SHOC1: variants seen among roughly 807,000 people sequenced by gnomAD.
SHOC1 encodes the protein shortage in chiasmata 1.
SHOC1 carries 136 observed loss-of-function variants against 179.2 expected under a neutral mutation model. That is an observed-to-expected ratio of 0.76 (90% CI 0.66 to 0.87). SHOC1 has a LOEUF of 0.87. Ranked by LOEUF, SHOC1 falls within the 40% of genes least tolerant of loss-of-function variation. The pLI, the probability that SHOC1 is intolerant of heterozygous loss-of-function variation, is 0.00. For synonymous variants in SHOC1, 489 were observed against 586.6 expected (o/e 0.83, Z 2.41); for missense variants, 1,538 against 1,700.8 (o/e 0.90, Z 1.68).
chr9:111,697,219 T>C (rs1831740091), intron 24 of SHOC1, among the ~76,000 whole-genome samples: 1 of 151,764 alleles, frequency 6.6e-6, no homozygotes, highest in Non-Finnish European at 1.5e-5. Flanking sequence ...TACTTTAAGT[T>C]CTAGAGTACA....
rs1836442599 is a variant in SHOC1, at chr9:111,791,474, A to G, written c.-36-20T>C. ...CAACATCTGGAAATACAAAAATTAA[A>G]ATTAAACACTGGTAAAATAGCAAGT... On this transcript the variant is annotated intron_variant, in intron 1 of 27. Transcript: ENST00000682961. 93 of 1,177,958 alleles carry G rather than the reference A, an allele frequency of 7.9e-5. No individual in the cohort carries two copies. Among genetic ancestry groups the G allele is most frequent in the Non-Finnish European group, 1.1e-4 (93 of 867,490 alleles). The allele number at this position is 1,177,958 out of a possible 1,614,324, so 73.0% of individuals were successfully genotyped here. A position where few individuals can be genotyped will look rare whatever the true frequency, so the allele number is the denominator to read the frequency against.
In SHOC1 at chr9:111,722,495, T is replaced by C; in HGVS notation, c.2045A>G (p.Asn682Ser). Residue 682 changes from asparagine (N) to serine (S), a missense_variant, in exon 15 of 28, where the codon AAT (asparagine) becomes AGT (serine). Asn to Ser is a conservative substitution (Grantham distance 46). Transcript: ENST00000682961. ...LVSLCTLPTA[N>S]WKFATVIFDQ... ...AAAAATAACAGTGGCAAATTTCCAA[T>C]TAGCAGTAGGGAGGGTACACAAGGA... The C allele has an allele frequency of 6.2e-7, 1 of 1,613,058 alleles. No individual in the cohort carries two copies. The highest frequency in any genetic ancestry group is 2.2e-5 in the East Asian group (1 of 44,790).
chr9:111,735,306 G>A (rs966796556), intron 12 of SHOC1, among the ~76,000 whole-genome samples: 2 of 152,064 alleles, frequency 1.3e-5, no homozygotes, highest in African/African-American at 4.8e-5. Context: ...TTTATGTTAG[G>A]TATTTCTCCT....
At chr9:111,764,861 C>G (rs1202016782) in intron 5 of SHOC1, among the ~76,000 whole-genome samples, 2 of 152,138 alleles carry the variant, frequency 1.3e-5, no homozygotes, top group Non-Finnish European at 2.9e-5. Flanking sequence ...AAAGTGTTGG[C>G]CATGCACGGT....
chr9:111,765,467 G>A (rs1835312855), intron 5 of SHOC1, among the ~76,000 whole-genome samples: 1 of 149,562 alleles, frequency 6.7e-6, no homozygotes, highest in South Asian at 2.1e-4. Flanking sequence ...GCATGTGCCT[G>A]TAATTCCAGC....
chr9:111,691,360 T>G (rs923542914), intron 27 of SHOC1, among the ~76,000 whole-genome samples, 191 bp downstream of exon 27: 3 of 152,174 alleles, frequency 2.0e-5, no homozygotes, highest in Non-Finnish European at 2.9e-5. Flanking sequence ...CCACTTAAGG[T>G]TATAATAATT....
chr9:111,769,975 G>GTTTTTTTTTTTTTTTTTTTTTTTTTT lies in SHOC1; in HGVS notation c.442+5815_442+5816insAAAAAAAAAAAAAAAAAAAAAAAAAA. The stretch of plus-strand genomic sequence containing the variant: ...AATCTAGCGAAAGGTTTTATCTTCT[G>GTTTTTTTTTTTTTTTTTTTTTTTTTT]TTTTTTTTTTGTTTTTTTTTTTTTT... On this transcript the variant is annotated intron_variant, in intron 5 of 27. Transcript: ENST00000682961. Among the ~76,000 whole-genome samples, 6 of 87,806 alleles carry GTTTTTTTTTTTTTTTTTTTTTTTTTT rather than the reference G, an allele frequency of 6.8e-5. 1 individual carries two copies. Among genetic ancestry groups the GTTTTTTTTTTTTTTTTTTTTTTTTTT allele is most frequent in the Non-Finnish European group, 1.1e-4 (5 of 45,754 alleles). The allele number at this position is 87,806 out of a possible 152,430, so 57.6% of individuals were successfully genotyped here. A position where few individuals can be genotyped will look rare whatever the true frequency, so the allele number is the denominator to read the frequency against.
chr9:111,776,524 C>G (rs1462746827), intron 4 of SHOC1, among the ~76,000 whole-genome samples: 1 of 152,136 alleles, frequency 6.6e-6, no homozygotes. Flanking sequence ...AATAAAATTA[C>G]CCAGCCTTTT....
chr9:111,780,293 T>C (rs915461484), intron 4 of SHOC1, among the ~76,000 whole-genome samples: 9 of 152,196 alleles, frequency 5.9e-5, no homozygotes, highest in Admixed American at 5.2e-4. Flanking sequence ...CTAGGCTGGA[T>C]CAGCGTTCTG....
At chr9:111,706,819 CTG>C in intron 19 of SHOC1, 73 bp from the exon 20 acceptor site, 1 of 1,073,294 alleles carries the variant, frequency 9.3e-7, no homozygotes, top group Non-Finnish European at 1.3e-6. Context: ...TAAAAGATGA[CTG>C]TTTTCTGGCT....
At chr9:111,756,955 G>A (rs1462462098) in intron 7 of SHOC1, among the ~76,000 whole-genome samples, 1 of 152,094 alleles carries the variant, frequency 6.6e-6, no homozygotes, top group Admixed American at 6.5e-5. Flanking sequence ...GGGTTAACCT[G>A]GGAAGCAAGA....
At chr9:111,739,943 C>T (rs538063199) in intron 11 of SHOC1, among the ~76,000 whole-genome samples, 6 of 152,238 alleles carry the variant, frequency 3.9e-5, no homozygotes, top group Admixed American at 1.3e-4. Context: ...TTACTTTTGT[C>T]TCTATGTGTT....
At position 111,759,477 on chromosome 9, in the gene SHOC1, C is replaced by T. The variant is rs972792754; in HGVS notation, c.443-629G>A. 1.3e-5 allele frequency: 16 copies of T among 1,254,888 alleles called. No homozygotes were observed. The South Asian group carries it at 4.9e-4, about 38-fold the overall frequency. The allele number at this position is 1,254,888 out of a possible 1,614,324, so 77.7% of individuals were successfully genotyped here. On this transcript the variant is annotated intron_variant, in intron 5 of 27. Coordinates refer to ENST00000682961, the MANE Select transcript of SHOC1 (RefSeq NM_001378211.1). ...CAGTTAATTTCTGGAATAAATTTCT[C>T]CTCTCGGTCTCCACCCTGCCTTGTC...
chr9:111,757,916 G>C (rs888320892), intron 7 of SHOC1, among the ~76,000 whole-genome samples, 168 bp downstream of exon 7: 2 of 152,030 alleles, frequency 1.3e-5, no homozygotes, highest in Admixed American at 1.3e-4. Flanking sequence ...TACAGCCAAG[G>C]CTGAGAACCA....
chr9:111,719,565 T>C (rs1467298859), intron 15 of SHOC1, among the ~76,000 whole-genome samples: 1 of 152,212 alleles, frequency 6.6e-6, no homozygotes, highest in Non-Finnish European at 1.5e-5. Flanking sequence ...TGAGTTTTTA[T>C]TTTATATAAG....
intron 27 of SHOC1, among the ~76,000 whole-genome samples, chr9:111,687,774 C>A (rs999621943): frequency 7.0e-6 from 1 of 143,728 alleles, no homozygotes; most frequent in African/African-American, 2.6e-5. Flanking sequence ...TTTCTTTTTT[C>A]TTTTCCAGTT....
At chr9:111,783,393 G>A (rs917470906) in intron 3 of SHOC1, 3 of 152,134 alleles carry the variant, frequency 2.0e-5, no homozygotes, top group African/African-American at 7.2e-5. Flanking sequence ...CCTACATTTA[G>A]TCAAGCTAAT....
rs758085308 is a variant in SHOC1, at chr9:111,727,893, G to A, written c.1574C>T (p.Ala525Val). ...GTCATTCTTTGGTTTTTCTTCTTTTGCTGCTCCTTTATCAGAGAAATAGTC... is the reference window on the plus strand; with the variant it reads ...GTCATTCTTTGGTTTTTCTTCTTTTACTGCTCCTTTATCAGAGAAATAGTC... ...SDDYFSDKGA[A>V]KEEKPKNDQE... The change falls in exon 13 of 28, where the codon GCA becomes GTA. Residue 525 changes from alanine (A) to valine (V), a missense_variant. Transcript: ENST00000682961. 6.2e-7 allele frequency: 1 copy of A among 1,612,810 alleles called. No individual in the cohort carries two copies. Among genetic ancestry groups the A allele is most frequent in the East Asian group, 2.2e-5 (1 of 44,754 alleles).
intron 12 of SHOC1, among the ~76,000 whole-genome samples, chr9:111,732,943 G>A (rs1045924853): frequency 6.6e-6 from 1 of 152,174 alleles, no homozygotes; most frequent in Non-Finnish European, 1.5e-5. Flanking sequence ...CAACATTTGT[G>A]TATATTATGA....
Sources: allele counts gnomAD v4.1 joint callset (sites outside exome capture counted in the v4.1 genomes callset), GRCh38; gene constraint gnomAD v4.1.1; transcripts MANE v1.5; gene names NCBI Gene and HGNC (gene_info 2026-07-23, HGNC 2026-07-21).